The following ACYP2 variants were observed in gnomAD, a reference collection of about 807,000 sequenced individuals.
The protein encoded by ACYP2 is acylphosphatase-2.
Under a neutral mutation model 11.2 loss-of-function variants are expected in ACYP2, and 12 were observed. The ratio of observed to expected loss-of-function variants is 1.08; its 90% CI spans 0.69 to 1.74. The LOEUF is 1.74. Among genes scored for constraint, ACYP2 ranks in the 40% most tolerant of loss-of-function variants. The probability of loss-of-function intolerance (pLI) is 0.00; values close to 1 mark genes in which losing one functional copy is unlikely to be tolerated. For synonymous variants in ACYP2, 43 were observed against 32.2 expected, an observed-to-expected ratio of 1.33 and a Z score of -1.13; for missense variants, 134 against 101.9, an observed-to-expected ratio of 1.31 and a Z score of -1.35.
intron 4 of ACYP2, 78 bp downstream of exon 1, chr2:54,115,834 C>G: frequency 7.1e-7 from 1 of 1,417,152 alleles, no homozygotes; most frequent in Non-Finnish European, 9.3e-7. Flanking sequence ...CGCCTCCCAC[C>G]TAAAGTATGC....
At chr2:54,145,284 G>C (rs1230265971) in intron 6 of ACYP2, among the ~76,000 whole-genome samples, 1 of 152,098 alleles carries the variant, frequency 6.6e-6, no homozygotes, top group East Asian at 1.9e-4. Flanking sequence ...ATATATTTTG[G>C]ATTGATCAGC....
At chr2:54,205,478 C>T (rs1236957096) in intron 6 of ACYP2, among the ~76,000 whole-genome samples, 1 of 152,272 alleles carries the variant, frequency 6.6e-6, no homozygotes, top group African/African-American at 2.4e-5. Context: ...CTCCTCTCCC[C>T]GCCTACTCCT....
intron 2 of ACYP2, among the ~76,000 whole-genome samples, chr2:53,997,010 G>A (rs1222417386): frequency 6.6e-6 from 1 of 152,106 alleles, no homozygotes; most frequent in African/African-American, 2.4e-5. Context: ...CTACCATTCT[G>A]TTTTTATATA....
chr2:54,296,400 T>C (rs541917947), intron 6 of ACYP2, among the ~76,000 whole-genome samples: 3 of 152,362 alleles, frequency 2.0e-5, no homozygotes, highest in African/African-American at 7.2e-5. Context: ...TGGTGACTTC[T>C]TGTATAGGAA....
At chr2:53,984,962 C>T (rs541739213) in intron 2 of ACYP2, among the ~76,000 whole-genome samples, 1 of 151,946 alleles carries the variant, frequency 6.6e-6, no homozygotes, top group South Asian at 2.1e-4. Context: ...ACATTAAACT[C>T]AAGAACAAAA....
At chr2:53,992,790 C>T (rs1672364726) in intron 2 of ACYP2, among the ~76,000 whole-genome samples, 1 of 145,770 alleles carries the variant, frequency 6.9e-6, no homozygotes, top group Non-Finnish European at 1.5e-5. Flanking sequence ...GAGACCACAC[C>T]ACTGTACTCC....
chr2:54,201,603 TC>T (rs1684779778), intron 6 of ACYP2, among the ~76,000 whole-genome samples: 2 of 86,574 alleles, frequency 2.3e-5, no homozygotes, highest in Non-Finnish European at 4.7e-5. Context: ...TCTCTTTCTT[TC>T]TTTCTTTCTT....
intron 6 of ACYP2, among the ~76,000 whole-genome samples, chr2:54,158,831 T>C: frequency 6.6e-6 from 1 of 152,144 alleles, no homozygotes; most frequent in Non-Finnish European, 1.5e-5. Context: ...TCAAGCCAAT[T>C]ACAAAATATT....
At chr2:54,007,303 G>A (rs946256674) in intron 2 of ACYP2, among the ~76,000 whole-genome samples, 9 of 147,042 alleles carry the variant, frequency 6.1e-5, no homozygotes, top group African/African-American at 7.6e-5. Context: ...CACCAGACTG[G>A]AGTGCAATGG....
At chr2:54,016,380 G>C (rs2104541663) in intron 2 of ACYP2, among the ~76,000 whole-genome samples, 1 of 151,618 alleles carries the variant, frequency 6.6e-6, no homozygotes, top group Middle Eastern at 3.4e-3. Context: ...TAATTCAGAA[G>C]AGGCTTGCTA....
chr2:54,286,263 G>A lies in ACYP2; in HGVS notation c.405-18425G>A, dbSNP rs549100555. ...TGTAGAGTATCCACTGTTTACCCTC[G>A]TGATCTGGGAGCTGTGGTTTGCTGC... On this transcript the variant is annotated intron_variant, in intron 6 of 6. Transcript: ENST00000607452. 7.0e-4 allele frequency among the ~76,000 whole-genome samples: 107 copies of A among 152,126 alleles called. 1 individual carries two copies. The highest frequency in any genetic ancestry group is 2.1e-3 in the African/African-American group (86 of 41,386).
chr2:53,998,854 A>C (rs1049166371), intron 2 of ACYP2, among the ~76,000 whole-genome samples: 14 of 152,262 alleles, frequency 9.2e-5, no homozygotes, highest in African/African-American at 3.4e-4. Flanking sequence ...ACTCAAGTAG[A>C]GACTGCTGCC....
intron 2 of ACYP2, among the ~76,000 whole-genome samples, chr2:54,012,766 T>C (rs1673445261): frequency 6.6e-6 from 1 of 152,104 alleles, no homozygotes; most frequent in African/African-American, 2.4e-5. Flanking sequence ...ACCCCTATCC[T>C]CTTTCTCAAC....
At chr2:54,216,449 G>A (rs11895807) in intron 6 of ACYP2, among the ~76,000 whole-genome samples, 10,559 of 151,994 alleles carry the variant, frequency 0.069, 704 homozygotes, top group East Asian at 0.29. Flanking sequence ...TTAATTTGGG[G>A]AGAGTGACAT....
intron 6 of ACYP2, among the ~76,000 whole-genome samples, chr2:54,246,207 CT>C (rs551848627): frequency 2.0e-5 from 3 of 152,066 alleles, no homozygotes; most frequent in Non-Finnish European, 4.4e-5. Context: ...TTCTGTTCTA[CT>C]GATCTGTGTG....
At chr2:54,017,431 C>G (rs544345365) in intron 2 of ACYP2, among the ~76,000 whole-genome samples, 1 of 151,222 alleles carries the variant, frequency 6.6e-6, no homozygotes, top group African/African-American at 2.4e-5. Flanking sequence ...ATTTTTGTAT[C>G]TTTAGTAGAG....
At chr2:54,135,035 A>G (rs773065550) in intron 4 of ACYP2, among the ~76,000 whole-genome samples, 10 of 152,174 alleles carry the variant, frequency 6.6e-5, no homozygotes, top group Admixed American at 2.6e-4. Flanking sequence ...GAAGCACTTT[A>G]TGGTTTCTCT....
chr2:54,006,332 G>A (rs1331698261), intron 2 of ACYP2, among the ~76,000 whole-genome samples: 3 of 152,070 alleles, frequency 2.0e-5, no homozygotes, highest in Non-Finnish European at 4.4e-5. Flanking sequence ...ATTTTTAGTA[G>A]AGAGGGGTTT....
rs11674636 is a variant in ACYP2 at position 53,978,118 on chromosome 2, C to T, written c.62+4308C>T. Among the ~76,000 whole-genome samples the T allele has an allele frequency of 5.3e-5, 8 of 151,658 alleles. No homozygotes were observed. The South Asian group carries it at 6.3e-4, about 12-fold the overall frequency. On this transcript the variant is annotated intron_variant, in intron 2 of 6. Transcript: ENST00000607452. ...CTCTACTAAAAATACAAAAATGAGCCGGGCATGGTGGCACACACCTGTAAT... is the reference window on the plus strand; with the variant it reads ...CTCTACTAAAAATACAAAAATGAGCTGGGCATGGTGGCACACACCTGTAAT...
Sources: gnomAD v4.1 joint callset for allele counts (sites outside exome capture counted in the v4.1 genomes callset) on GRCh38, gnomAD v4.1.1 for gene constraint, MANE v1.5 for transcripts, NCBI Gene and HGNC (gene_info 2026-07-23, HGNC 2026-07-21) for gene names.